The following SLC2A2 variants were observed in gnomAD, a reference collection of about 807,000 sequenced individuals.
SLC2A2 encodes the protein solute carrier family 2, facilitated glucose transporter member 2.
SLC2A2 carries 36 observed loss-of-function variants against 54.5 expected under a neutral mutation model. That is an observed-to-expected ratio of 0.66 (90% confidence interval 0.51 to 0.87). The LOEUF (loss-of-function observed/expected upper bound fraction) is 0.87, where lower values mean the gene tolerates loss of function less well. Ranked by LOEUF, SLC2A2 falls within the 40% of genes least tolerant of loss-of-function variation. The probability of loss-of-function intolerance (pLI) is 0.00; values close to 1 mark genes in which losing one functional copy is unlikely to be tolerated. For missense variants in SLC2A2, 543 were observed against 624.3 expected (o/e 0.87, Z 1.39); for synonymous variants, 223 against 219.1 (o/e 1.02, Z -0.16).
intron 4 of SLC2A2, 42 bp downstream of exon 4, chr3:171,009,913 GTGT>G (rs544815617): frequency 1.7e-6 from 1 of 597,234 alleles, no homozygotes; most frequent in Non-Finnish European, 2.3e-6. Context: ...ACAAAGGTAG[GTGT>G]GTGTGTGTGT....
At position 171,014,600 on chromosome 3, in the gene SLC2A2, A is replaced by G. The variant is rs756220231; in HGVS notation, c.240T>C (p.Pro80=). 1.7e-5 allele frequency: 28 copies of G among 1,613,988 alleles called. No individual in the cohort carries two copies. The highest frequency in any genetic ancestry group is 1.6e-4 in the Middle Eastern group (1 of 6,084). Residue 80 remains proline (P), a synonymous_variant, in exon 3 of 11, where the codon CCT becomes CCC. Transcript: ENST00000314251. ...CTGCCACAGTCTCTTCCTCAGCCCA[A>G]GGGGTTGGTTTTGGGTTCATTGAGT... ...ISYSMNPKPT[P]WAEEETVAAA... is the part of the protein sequence containing the mutation.
Position 171,009,948 on chromosome 3 carries a change from TG to T in SLC2A2, c.496+9del. 1 of 1,569,404 alleles carries T rather than the reference TG, an allele frequency of 6.4e-7. No homozygotes were observed. Among genetic ancestry groups the T allele is most frequent in the South Asian group, 1.1e-5 (1 of 88,274 alleles). On this transcript the variant is annotated intron_variant, in intron 4 of 10. Transcript: ENST00000314251. ...GTGTGTGTGTGTGTGTGTGTGTGTG[TG>T]TGACTTACCACAATATAGTCCTGAT...
chr3:171,006,631 C>G (rs963817597), intron 5 of SLC2A2, among the ~76,000 whole-genome samples: 2 of 151,986 alleles, frequency 1.3e-5, no homozygotes, highest in Non-Finnish European at 2.9e-5. Flanking sequence ...ATAGACTACC[C>G]TCTGGATTGT....
intron 1 of SLC2A2, among the ~76,000 whole-genome samples, chr3:171,019,041 A>G (rs1716294911): frequency 1.3e-5 from 2 of 149,510 alleles, no homozygotes; most frequent in African/African-American, 4.9e-5. Context: ...TGTTTTATAT[A>G]TATATATTTG....
chr3:170,996,470 G>A lies in SLC2A2; in HGVS notation c.*1433C>T. ...ACTCTTAAAGAGTACTTTTTAAAAAGTGCTTTTCTTCAATACACATTAAAG... is the reference window on the plus strand; with the variant it reads ...ACTCTTAAAGAGTACTTTTTAAAAAATGCTTTTCTTCAATACACATTAAAG... On this transcript the variant is annotated 3_prime_UTR_variant, in exon 11 of 11. Transcript: ENST00000314251. The A allele has an allele frequency of 2.5e-6, 1 of 395,326 alleles. No homozygotes were observed. The highest frequency in any genetic ancestry group is 4.5e-6 in the Non-Finnish European group (1 of 224,116). 24.5% of individuals were successfully genotyped at this position (395,326 alleles called of 1,614,324 possible).
At chr3:171,006,204 C>T (rs1715597801) in intron 5 of SLC2A2, 99 bp from the exon 6 acceptor site, 1 of 1,081,938 alleles carries the variant, frequency 9.2e-7, no homozygotes, top group Non-Finnish European at 1.4e-6. Context: ...TAATAGTAGT[C>T]TCTGACAACT....
Position 171,005,356 on chromosome 3 carries a change from A to C in SLC2A2, c.892T>G (p.Ser298Ala). 2 of 1,612,954 alleles carry C rather than the reference A, an allele frequency of 1.2e-6. No homozygotes were observed. The highest frequency in any genetic ancestry group is 1.7e-5 in the Admixed American group (1 of 59,888). Residue 298 changes from serine (S) to alanine (A), a missense_variant, in exon 7 of 11, where the codon TCC becomes GCC. Around this residue, in one of 3 missense-constraint regions of SLC2A2, gnomAD observed 117 missense variants for 179.2 expected, o/e 0.65. Coordinates refer to ENST00000314251, the MANE Select transcript of SLC2A2 (RefSeq NM_000340.2). ...KVSIIQLFTNSSYRQPILVAL... is the reference protein window; with the variant it reads ...KVSIIQLFTNASYRQPILVAL... ...ACTAGAATAGGCTGTCGGTAGCTGG[A>C]ATTGGTGAAGAGCTGAATTATAGAG... is the stretch of plus-strand genomic sequence containing the variant.
intron 8 of SLC2A2, 72 bp downstream of exon 8, chr3:171,002,504 G>A (rs1158846398): frequency 1.8e-5 from 17 of 961,190 alleles, no homozygotes; most frequent in Middle Eastern, 4.1e-4. Context: ...TTTTAGAGCC[G>A]AAGTTCCCCA....
chr3:171,003,868 T>G (rs1388057992), intron 7 of SLC2A2, among the ~76,000 whole-genome samples: 1 of 152,106 alleles, frequency 6.6e-6, no homozygotes, highest in Non-Finnish European at 1.5e-5. Context: ...ATGACAATTT[T>G]ACAGTCTCAC....
Position 171,007,213 on chromosome 3 carries a change from C to A in SLC2A2, c.547G>T (p.Ala183Ser), listed in dbSNP as rs368626129. The A allele has an allele frequency of 3.7e-6, 6 of 1,612,482 alleles. No homozygotes were observed. Among genetic ancestry groups the A allele is most frequent in the Admixed American group, 1.7e-5 (1 of 59,816 alleles). Residue 183 changes from alanine to serine, a missense_variant, in exon 5 of 11, where the codon GCT (alanine) becomes TCT (serine). Transcript: ENST00000314251. ...PMYIGEIAPT[A>S]LRGALGTFHQ... ...AAAGTGCCAAGTGCTCCCCTGAGAG[C>A]GGTTGGAGCAATTTCACCGATATAC...
At chr3:171,012,088 A>G (rs1440275347) in intron 3 of SLC2A2, among the ~76,000 whole-genome samples, 2 of 152,138 alleles carry the variant, frequency 1.3e-5, no homozygotes, top group Non-Finnish European at 2.9e-5. Context: ...AGGCTCGATT[A>G]TTGTCGTGGT....
chr3:171,014,783 T>C (rs536500892), intron 2 of SLC2A2, 52 bp from the exon 3 acceptor site: 1 of 1,509,994 alleles, frequency 6.6e-7, no homozygotes, highest in African/African-American at 1.4e-5. Context: ...TATGTATTTT[T>C]GTTTTTGTCT....
chr3:171,009,040 T>C (rs2108248808), intron 4 of SLC2A2, among the ~76,000 whole-genome samples: 1 of 152,196 alleles, frequency 6.6e-6, no homozygotes, highest in South Asian at 2.1e-4. Context: ...CACCACTCCT[T>C]CCCCATCCCC....
chr3:171,015,152 G>A (rs1560040187), intron 2 of SLC2A2, among the ~76,000 whole-genome samples: 1 of 152,096 alleles, frequency 6.6e-6, no homozygotes, highest in East Asian at 1.9e-4. Flanking sequence ...TTTAAATATT[G>A]GCAACTATTG....
intron 4 of SLC2A2, among the ~76,000 whole-genome samples, chr3:171,009,456 A>G (rs933760914): frequency 6.6e-6 from 1 of 152,014 alleles, no homozygotes; most frequent in Non-Finnish European, 1.5e-5. Flanking sequence ...GTCTTGTCAG[A>G]TAGAAGAGAT....
At chr3:171,021,645 G>T (rs1560043152) in intron 1 of SLC2A2, among the ~76,000 whole-genome samples, 1 of 152,186 alleles carries the variant, frequency 6.6e-6, no homozygotes, top group South Asian at 2.1e-4. Flanking sequence ...TAGATGGGAA[G>T]TCTGGTATAA....
chr3:171,005,624 T>C (rs1448618796), intron 6 of SLC2A2, 152 bp from the exon 7 acceptor site: 1 of 682,418 alleles, frequency 1.5e-6, no homozygotes, highest in African/African-American at 1.8e-5. Flanking sequence ...AATTAGATCC[T>C]GCTCTTTGAT....
At position 171,026,703 on chromosome 3, in the gene SLC2A2, C is replaced by A; in HGVS notation, c.-33G>T. ...GTTGGGAGTCCTGTCAATTCCAGGT[C>A]TTGTGTGAGTGTGGCACATGCACCT... On this transcript the variant is annotated 5_prime_UTR_variant, in exon 1 of 11. Coordinates refer to ENST00000314251, the MANE Select transcript of SLC2A2 (RefSeq NM_000340.2). 6.2e-7 allele frequency: 1 copy of A among 1,607,890 alleles called. No individual in the cohort carries two copies. The highest frequency in any genetic ancestry group is 8.5e-7 in the Non-Finnish European group (1 of 1,174,266).
At chr3:171,008,052 G>T (rs944049909) in intron 4 of SLC2A2, among the ~76,000 whole-genome samples, 1 of 152,066 alleles carries the variant, frequency 6.6e-6, no homozygotes, top group Admixed American at 6.6e-5. Context: ...TTTGCTGACT[G>T]CATAAAAAGT....
Sources: gnomAD v4.1 joint callset for allele counts (sites outside exome capture counted in the v4.1 genomes callset) on GRCh38, gnomAD v4.1.1 for gene constraint, gnomAD v4.1.1 regional missense constraint, MANE v1.5 for transcripts, NCBI Gene and HGNC (gene_info 2026-07-23, HGNC 2026-07-21) for gene names.